The following FIP1L1 variants were observed in gnomAD, a reference collection of about 807,000 sequenced individuals.
FIP1L1 encodes the protein pre-mRNA 3'-end-processing factor FIP1.
A neutral mutation model predicts 84.6 loss-of-function variants in FIP1L1; 21 were observed. The ratio of observed to expected loss-of-function variants is 0.25; its 90% CI spans 0.18 to 0.36. The LOEUF is 0.36. Among genes scored for constraint, FIP1L1 ranks in the 10% least tolerant of loss-of-function variants. The pLI is 1.00. For synonymous variants in FIP1L1, 263 were observed against 242.3 expected (o/e 1.09, Z -0.80); for missense variants, 526 against 751.1 (o/e 0.70, Z 3.50).
chr4:53,431,206 G>A (rs1170474445), intron 13 of FIP1L1, among the ~76,000 whole-genome samples: 6 of 152,088 alleles, frequency 3.9e-5, no homozygotes, highest in Admixed American at 6.5e-5. Flanking sequence ...ATAACAGTAC[G>A]GCTGCATAGA....
intron 15 of FIP1L1, among the ~76,000 whole-genome samples, chr4:53,452,143 A>G (rs536383413): frequency 6.6e-6 from 1 of 152,054 alleles, no homozygotes; most frequent in African/African-American, 2.4e-5. Flanking sequence ...CGGCCTCCCA[A>G]AGTGTTGGGA....
intron 16 of FIP1L1, among the ~76,000 whole-genome samples, chr4:53,457,873 C>T (rs1156570774): frequency 6.6e-6 from 1 of 152,048 alleles, no homozygotes; most frequent in African/African-American, 2.4e-5. Context: ...GAAAAGAAGT[C>T]TAGGGAGGTA....
intron 10 of FIP1L1, among the ~76,000 whole-genome samples, chr4:53,400,136 G>A (rs189483667): frequency 9.2e-5 from 14 of 152,310 alleles, no homozygotes; most frequent in African/African-American, 2.9e-4. Flanking sequence ...GGTGGTAACA[G>A]TAGTATTTGC....
chr4:53,379,352 T>C, intron 3 of FIP1L1, 88 bp downstream of exon 3: 2 of 1,135,572 alleles, frequency 1.8e-6, no homozygotes, highest in Non-Finnish European at 2.5e-6. Context: ...CTTACAATCA[T>C]TGGCTTCATT....
Position 53,459,583 on chromosome 4 carries a change from C to A in FIP1L1, c.*134C>A. Reference sequence around the variant, plus strand: ...TTAGTATGAAAAGTTAACTTTTTTTCCAAAATAAAAGAGTGAATTTTTCAT... The same window carrying A: ...TTAGTATGAAAAGTTAACTTTTTTTACAAAATAAAAGAGTGAATTTTTCAT... On this transcript the variant is annotated 3_prime_UTR_variant, in exon 18 of 18. Transcript: ENST00000337488. 5 of 1,322,222 alleles carry A rather than the reference C, an allele frequency of 3.8e-6. No homozygotes were observed. Among genetic ancestry groups the A allele is most frequent in the South Asian group, 1.3e-5 (1 of 74,848 alleles). 81.9% of individuals were successfully genotyped at this position (1,322,222 alleles called of 1,614,324 possible).
chr4:53,436,051 G>C lies in FIP1L1; in HGVS notation c.1175-6602G>C, dbSNP rs1208439012. ...TAAATAATAGTGCCGACGGAACTTGGAATTTACTAGTGAGAAATAGGAAGC... is the reference window on the plus strand; with the variant it reads ...TAAATAATAGTGCCGACGGAACTTGCAATTTACTAGTGAGAAATAGGAAGC... On this transcript the variant is annotated intron_variant, in intron 13 of 17. Transcript: ENST00000337488. 2.7e-5 allele frequency among the ~76,000 whole-genome samples: 4 copies of C among 148,750 alleles called. No homozygotes were observed. In the South Asian group the frequency reaches 6.5e-4, roughly 24 times the overall value.
chr4:53,404,497 C>T (rs1023003049), intron 10 of FIP1L1, among the ~76,000 whole-genome samples: 2 of 152,072 alleles, frequency 1.3e-5, no homozygotes, highest in South Asian at 2.1e-4. Context: ...TTTATAGCAG[C>T]ATGATTTAGA....
At chr4:53,432,398 C>CAAAAAAAAAAAAAAAAAAAAAAA (rs35596754) in intron 13 of FIP1L1, among the ~76,000 whole-genome samples, 2 of 68,404 alleles carry the variant, frequency 2.9e-5, no homozygotes, top group Non-Finnish European at 5.1e-5. Context: ...AACTCCATCT[C>CAAAAAAAAAAAAAAAAAAAAAAA]AAAAAAAAAA....
At chr4:53,401,528 C>T (rs1355321111) in intron 10 of FIP1L1, among the ~76,000 whole-genome samples, 1 of 152,088 alleles carries the variant, frequency 6.6e-6, no homozygotes, top group African/African-American at 2.4e-5. Flanking sequence ...GTAACTTGGA[C>T]CAAGATAATG....
At chr4:53,411,738 G>T (rs1447291422) in intron 10 of FIP1L1, among the ~76,000 whole-genome samples, 1 of 151,888 alleles carries the variant, frequency 6.6e-6, no homozygotes, top group Non-Finnish European at 1.5e-5. Context: ...ATATTTTTTC[G>T]TACTTTATCA....
chr4:53,449,125 A>G (rs1775400537), intron 15 of FIP1L1, among the ~76,000 whole-genome samples: 1 of 152,090 alleles, frequency 6.6e-6, no homozygotes, highest in South Asian at 2.1e-4. Flanking sequence ...TGTTCTGGCA[A>G]GAACCTCCAT....
Position 53,383,779 on chromosome 4 carries a change from A to C in FIP1L1, c.235A>C (p.Thr79Pro), listed in dbSNP as rs1419670612. 6.2e-7 allele frequency: 1 copy of C among 1,607,684 alleles called. No homozygotes were observed. The highest frequency in any genetic ancestry group is 1.1e-5 in the South Asian group (1 of 90,754). The change falls in exon 5 of 18, where the codon ACT becomes CCT. Residue 79 changes from threonine to proline, a missense_variant. Thr to Pro is a conservative substitution (Grantham distance 38, BLOSUM62 -1). Coordinates refer to ENST00000337488, the MANE Select transcript of FIP1L1 (RefSeq NM_030917.4). ...TTTGTTTATGTTCATGTAGAAAGTGACTGAGACCGAAGATGATAGTGATAG... is the reference window on the plus strand; with the variant it reads ...TTTGTTTATGTTCATGTAGAAAGTGCCTGAGACCGAAGATGATAGTGATAG... ...AENGVPKPKVTETEDDSDSDS... is the reference protein window; with the variant it reads ...AENGVPKPKVPETEDDSDSDS...
intron 15 of FIP1L1, among the ~76,000 whole-genome samples, chr4:53,451,112 G>C (rs747998242): frequency 2.0e-5 from 3 of 151,594 alleles, no homozygotes; most frequent in Non-Finnish European, 2.9e-5. Flanking sequence ...TTACAGGCAT[G>C]CGCCACCATG....
chr4:53,404,007 G>A (rs1751684344), intron 10 of FIP1L1, among the ~76,000 whole-genome samples: 1 of 63,796 alleles, frequency 1.6e-5, no homozygotes, highest in Non-Finnish European at 3.7e-5. Context: ...CGTATAAAAT[G>A]CACTTTTTTT....
intron 13 of FIP1L1, among the ~76,000 whole-genome samples, chr4:53,428,420 A>T (rs1207520092): frequency 6.6e-6 from 1 of 152,230 alleles, no homozygotes; most frequent in Non-Finnish European, 1.5e-5. Flanking sequence ...GTGATTCAAA[A>T]ATATGATAAT....
intron 10 of FIP1L1, among the ~76,000 whole-genome samples, chr4:53,402,030 G>A (rs1750499015): frequency 6.6e-6 from 1 of 152,060 alleles, no homozygotes; most frequent in Non-Finnish European, 1.5e-5. Context: ...AGTAAGAGGA[G>A]ACCATTAATA....
intron 10 of FIP1L1, among the ~76,000 whole-genome samples, chr4:53,404,516 C>T (rs1019055647): frequency 3.3e-5 from 5 of 152,058 alleles, no homozygotes; most frequent in East Asian, 3.9e-4. Flanking sequence ...GAGTCCTTTG[C>T]GTATATACCC....
In FIP1L1 at chr4:53,415,938, CTTA is replaced by C. The variant is rs147577071; in HGVS notation, c.923+1222_923+1224del. On this transcript the variant is annotated intron_variant, in intron 11 of 17. Coordinates refer to ENST00000337488, the MANE Select transcript of FIP1L1 (RefSeq NM_030917.4). ...TTAGAAGGTTAAGGAAAGTTTTCAT[CTTA>C]TTATTTTGAAAGTACTCATTGATTT... 5.7e-3 allele frequency among the ~76,000 whole-genome samples: 864 copies of C among 152,254 alleles called. 5 individuals are homozygous for C. The highest frequency in any genetic ancestry group is 0.02 in the African/African-American group (820 of 41,552).
intron 9 of FIP1L1, among the ~76,000 whole-genome samples, chr4:53,396,761 T>G (rs1747618461): frequency 6.6e-6 from 1 of 152,210 alleles, no homozygotes; most frequent in Non-Finnish European, 1.5e-5. Context: ...CTCATAAAAT[T>G]AAAAAATCAT....
Sources: gnomAD v4.1 joint callset for allele counts (sites outside exome capture counted in the v4.1 genomes callset) on GRCh38, gnomAD v4.1.1 for gene constraint, MANE v1.5 for transcripts, NCBI Gene and HGNC (gene_info 2026-07-23, HGNC 2026-07-21) for gene names.